The following GTSE1 variants were observed in gnomAD, a reference collection of about 807,000 sequenced individuals.
GTSE1 encodes G2 and S phase-expressed protein 1.
In GTSE1, 52 loss-of-function variants were observed where a neutral mutation model predicts 60.5. That is an observed-to-expected ratio of 0.86 (90% confidence interval 0.69 to 1.08). The LOEUF is 1.08. Among genes scored for constraint, GTSE1 ranks in the 50% least tolerant of loss-of-function variants. GTSE1 has a pLI of 0.00. For synonymous variants in GTSE1, 368 were observed against 386.5 expected (o/e 0.95, Z 0.56); for missense variants, 937 against 961.8 (o/e 0.97, Z 0.34).
Position 46,329,026 on chromosome 22 carries a change from C to T in GTSE1, c.1926+137C>T. 1.4e-6 allele frequency: 1 copy of T among 706,930 alleles called. No individual in the cohort carries two copies. Among genetic ancestry groups the T allele is most frequent in the Non-Finnish European group, 2.4e-6 (1 of 418,292 alleles). 43.8% of individuals were successfully genotyped at this position (706,930 alleles called of 1,614,324 possible). ...CTGGGGCCAGTGCCTCCGTGCCAAG[C>T]AACCCAAAGGGAGGCAGTCAGGACT... On this transcript the variant is annotated intron_variant, in intron 10 of 11. Transcript: ENST00000454366. The surrounding 1 kb of genome is among the most constrained non-coding windows in gnomAD (Gnocchi z 6.4).
chr22:46,324,285 G>A lies in GTSE1; in HGVS notation c.1505+1023G>A, dbSNP rs2077831316. 6.6e-6 allele frequency among the ~76,000 whole-genome samples: 1 copy of A among 152,216 alleles called. No homozygotes were observed. Among genetic ancestry groups the A allele is most frequent in the East Asian group, 1.9e-4 (1 of 5,192 alleles). On this transcript the variant is annotated intron_variant, in intron 8 of 11. Transcript: ENST00000454366. This position sits in a 1 kb window ranked among gnomAD's most constrained non-coding sequence, Gnocchi z 5.2. The stretch of plus-strand genomic sequence containing the variant: ...AAAGACCAGAGCCAGGCAGCCACTG[G>A]CCACCTCACTTGCCTCTCTGTGCCT...
At position 46,310,177 on chromosome 22, in the gene GTSE1, T is replaced by A. The variant is rs2077740484; in HGVS notation, c.762+1234T>A. ...GGCACATGCTCACTCCTGTGAGGAG[T>A]CATTAGCAATGGGTGGACCACTTGA... On this transcript the variant is annotated intron_variant, in intron 4 of 11. Transcript: ENST00000454366. The surrounding 1 kb of genome is among the most constrained non-coding windows in gnomAD (Gnocchi z 4.4). Among the ~76,000 whole-genome samples the A allele has an allele frequency of 6.6e-6, 1 of 152,092 alleles. No individual in the cohort carries two copies. The highest frequency in any genetic ancestry group is 6.5e-5 in the Admixed American group (1 of 15,274).
chr22:46,307,893 C>T (rs923479287), intron 2 of GTSE1, among the ~76,000 whole-genome samples: 15 of 152,054 alleles, frequency 9.9e-5, no homozygotes, highest in East Asian at 9.7e-4. Context: ...AGGAGGATCA[C>T]TTGAGGCCAG....
At position 46,317,387 on chromosome 22, in the gene GTSE1, CT is replaced by C. The variant is rs1004813067; in HGVS notation, c.1432+977del. ...TTTGTTTCTAACATAATAGTTTCCC[CT>C]TATTTCTTCTCATGGTACTTGGGTT... On this transcript the variant is annotated intron_variant, in intron 7 of 11. Coordinates refer to ENST00000454366, the MANE Select transcript of GTSE1 (RefSeq NM_016426.7). This position sits in a 1 kb window ranked among gnomAD's most constrained non-coding sequence, Gnocchi z 5.6. 3.9e-5 allele frequency among the ~76,000 whole-genome samples: 6 copies of C among 152,164 alleles called. No homozygotes were observed. Among genetic ancestry groups the C allele is most frequent in the Admixed American group, 3.9e-4 (6 of 15,266 alleles).
In GTSE1 at chr22:46,314,850, CAAAA is replaced by C. The variant is rs551490317; in HGVS notation, c.1051+851_1051+854del. On this transcript the variant is annotated intron_variant, in intron 6 of 11. Coordinates refer to ENST00000454366, the MANE Select transcript of GTSE1 (RefSeq NM_016426.7). The surrounding 1 kb of genome is among the most constrained non-coding windows in gnomAD (Gnocchi z 7.1). ...GAGATTGCATCACTGCACTCCGTCT[CAAAA>C]AAAAAAAAAAAAATGATAAGTGTGA... 1.0e-5 allele frequency among the ~76,000 whole-genome samples: 1 copy of C among 96,708 alleles called. No individual in the cohort carries two copies. The allele number at this position is 96,708 out of a possible 152,430, so 63.4% of individuals were successfully genotyped here.
intron 2 of GTSE1, among the ~76,000 whole-genome samples, chr22:46,298,363 A>G (rs1005681112): frequency 6.6e-6 from 1 of 151,564 alleles, no homozygotes; most frequent in Admixed American, 6.6e-5. Flanking sequence ...GCTGGAGTGC[A>G]GTGGCATGAT....
Position 46,310,862 on chromosome 22 carries a change from G to A in GTSE1, c.763-1279G>A, listed in dbSNP as rs1407392890. Reference sequence around the variant, plus strand: ...GGAGAATCGCCTGAACCCAGGAGGTGGAGGTTGCAGTGAGCCAAGATGGCA... The same window carrying A: ...GGAGAATCGCCTGAACCCAGGAGGTAGAGGTTGCAGTGAGCCAAGATGGCA... On this transcript the variant is annotated intron_variant, in intron 4 of 11. Transcript: ENST00000454366. This position sits in a 1 kb window ranked among gnomAD's most constrained non-coding sequence, Gnocchi z 4.4. 2.6e-5 allele frequency among the ~76,000 whole-genome samples: 4 copies of A among 152,146 alleles called. No individual in the cohort carries two copies. Among genetic ancestry groups the A allele is most frequent in the African/African-American group, 9.7e-5 (4 of 41,440 alleles).
chr22:46,310,299 G>T lies in GTSE1; in HGVS notation c.762+1356G>T, dbSNP rs948341688. Reference sequence around the variant, plus strand: ...TAACAGGTGTTATTTTGAGGATGAGGATGTTGTGGAGGATGAGGAGAAGGC... The same window carrying T: ...TAACAGGTGTTATTTTGAGGATGAGTATGTTGTGGAGGATGAGGAGAAGGC... On this transcript the variant is annotated intron_variant, in intron 4 of 11. Coordinates refer to ENST00000454366, the MANE Select transcript of GTSE1 (RefSeq NM_016426.7). The surrounding 1 kb of genome is among the most constrained non-coding windows in gnomAD (Gnocchi z 4.4). Among the ~76,000 whole-genome samples the T allele has an allele frequency of 6.6e-6, 1 of 152,190 alleles. No individual in the cohort carries two copies. Among genetic ancestry groups the T allele is most frequent in the African/African-American group, 2.4e-5 (1 of 41,440 alleles).
Position 46,317,787 on chromosome 22 carries a change from G to T in GTSE1, c.1432+1375G>T, listed in dbSNP as rs1390933626. On this transcript the variant is annotated intron_variant, in intron 7 of 11. Transcript: ENST00000454366. This position sits in a 1 kb window ranked among gnomAD's most constrained non-coding sequence, Gnocchi z 5.6. The stretch of plus-strand genomic sequence containing the variant: ...GCTGCACACCCGTGTGTCCCGCAAG[G>T]CCCGCGAGACCCCTGCACTCCTGCT... 6.6e-6 allele frequency among the ~76,000 whole-genome samples: 1 copy of T among 152,234 alleles called. No homozygotes were observed. Among genetic ancestry groups the T allele is most frequent in the East Asian group, 1.9e-4 (1 of 5,196 alleles).
At chr22:46,328,582 C>T (rs1204494790) in intron 9 of GTSE1, 106 bp from the exon 10 acceptor site, 15 of 820,716 alleles carry the variant, frequency 1.8e-5, no homozygotes, top group Non-Finnish European at 3.0e-5. Flanking sequence ...AGCCGGGACG[C>T]ACTCCACCCA....
chr22:46,328,959 AC>A, intron 10 of GTSE1, 70 bp downstream of exon 10: 1 of 1,262,038 alleles, frequency 7.9e-7, no homozygotes, highest in Non-Finnish European at 1.1e-6. Context: ...AGCCCGTGGA[AC>A]CCAGGGCTGT....
intron 2 of GTSE1, among the ~76,000 whole-genome samples, chr22:46,301,276 CAGA>C (rs1346427721): frequency 3.3e-5 from 5 of 152,156 alleles, no homozygotes; most frequent in Non-Finnish European, 7.3e-5. Flanking sequence ...GATACACTTG[CAGA>C]AGTAGACTTG....
rs1333794971 is a variant in GTSE1 at position 46,319,667 on chromosome 22, A to G, written c.1432+3255A>G. Among the ~76,000 whole-genome samples the G allele has an allele frequency of 6.6e-6, 1 of 152,162 alleles. No homozygotes were observed. The highest frequency in any genetic ancestry group is 2.4e-5 in the African/African-American group (1 of 41,450). ...GCTGGAGACCTCAGTGTAGGTTTCAACAGCAGAGAGCTGAGTTTGTAGAGA... is the reference window on the plus strand; with the variant it reads ...GCTGGAGACCTCAGTGTAGGTTTCAGCAGCAGAGAGCTGAGTTTGTAGAGA... On this transcript the variant is annotated intron_variant, in intron 7 of 11. Coordinates refer to ENST00000454366, the MANE Select transcript of GTSE1 (RefSeq NM_016426.7). The surrounding 1 kb of genome is among the most constrained non-coding windows in gnomAD (Gnocchi z 5.0).
At position 46,319,093 on chromosome 22, in the gene GTSE1, A is replaced by C. The variant is rs955268177; in HGVS notation, c.1432+2681A>C. 3.9e-5 allele frequency among the ~76,000 whole-genome samples: 6 copies of C among 152,202 alleles called. No individual in the cohort carries two copies. Among genetic ancestry groups the C allele is most frequent in the African/African-American group, 1.4e-4 (6 of 41,454 alleles). On this transcript the variant is annotated intron_variant, in intron 7 of 11. Transcript: ENST00000454366. This position sits in a 1 kb window ranked among gnomAD's most constrained non-coding sequence, Gnocchi z 5.0. Reference sequence around the variant, plus strand: ...ACAGCTGAAATTTCTTACTGAGAAGAGGAAAGTTGCTGTTGAACAAAAACT... The same window carrying C: ...ACAGCTGAAATTTCTTACTGAGAAGCGGAAAGTTGCTGTTGAACAAAAACT...
At chr22:46,323,956 T>C (rs2077829208) in intron 8 of GTSE1, among the ~76,000 whole-genome samples, 1 of 152,286 alleles carries the variant, frequency 6.6e-6, no homozygotes, top group East Asian at 1.9e-4. Flanking sequence ...CCTCCCAAAG[T>C]GCTGGGATTA....
chr22:46,325,904 G>A (rs1265436335), intron 8 of GTSE1, among the ~76,000 whole-genome samples: 1 of 152,252 alleles, frequency 6.6e-6, no homozygotes. Flanking sequence ...TGCCAGGGAC[G>A]TGAGGGGTGT....
rs761306395 is a variant in GTSE1 at position 46,313,419 on chromosome 22, A to C, written c.928-471A>C. On this transcript the variant is annotated intron_variant, in intron 5 of 11. Coordinates refer to ENST00000454366, the MANE Select transcript of GTSE1 (RefSeq NM_016426.7). This position sits in a 1 kb window ranked among gnomAD's most constrained non-coding sequence, Gnocchi z 4.4. ...CCTCATGCAGGGGTTTGAAGACTAC[A>C]CTTTGAGAAGTGCTGCTTGACTTTT... Among the ~76,000 whole-genome samples the C allele has an allele frequency of 3.9e-5, 6 of 152,306 alleles. No homozygotes were observed. Among genetic ancestry groups the C allele is most frequent in the Non-Finnish European group, 8.8e-5 (6 of 68,028 alleles).
rs1029980026 is a variant in GTSE1 at position 46,319,067 on chromosome 22, C to G, written c.1432+2655C>G. Reference sequence around the variant, plus strand: ...TAGGACACGTTGTCTTTATTCCGCACACAGCTGAAATTTCTTACTGAGAAG... The same window carrying G: ...TAGGACACGTTGTCTTTATTCCGCAGACAGCTGAAATTTCTTACTGAGAAG... On this transcript the variant is annotated intron_variant, in intron 7 of 11. Coordinates refer to ENST00000454366, the MANE Select transcript of GTSE1 (RefSeq NM_016426.7). The surrounding 1 kb of genome is among the most constrained non-coding windows in gnomAD (Gnocchi z 5.0). Among the ~76,000 whole-genome samples the G allele has an allele frequency of 6.6e-6, 1 of 152,206 alleles. No homozygotes were observed. The highest frequency in any genetic ancestry group is 2.4e-5 in the African/African-American group (1 of 41,444).
In GTSE1 at chr22:46,316,333, G is replaced by A. The variant is rs2077780508; in HGVS notation, c.1353G>A (p.Arg451=). The A allele has an allele frequency of 6.2e-7, 1 of 1,613,298 alleles. No homozygotes were observed. The highest frequency in any genetic ancestry group is 1.1e-5 in the South Asian group (1 of 91,056). The change falls in exon 7 of 12, where the codon CGG becomes CGA. Residue 451 remains arginine (R), a synonymous_variant. Transcript: ENST00000454366. The surrounding 1 kb of genome is among the most constrained non-coding windows in gnomAD (Gnocchi z 5.0). The part of the protein sequence containing the change: ...SQLNKTRSIR[R]RDSCLNSKTK... ...TGAATAAGACTAGAAGTATCAGACG[G>A]CGAGATTCCTGTCTAAATTCCAAGA...
Sources: gnomAD v4.1 joint callset for allele counts (sites outside exome capture counted in the v4.1 genomes callset) on GRCh38, gnomAD v4.1.1 for gene constraint, Gnocchi (gnomAD v3.1) non-coding constraint, MANE v1.5 for transcripts, NCBI Gene and HGNC (gene_info 2026-07-23, HGNC 2026-07-21) for gene names.